Variants in PDSS2 observed in about 807,000 individuals in gnomAD.
PDSS2 encodes the protein all trans-polyprenyl-diphosphate synthase PDSS2.
In PDSS2, 31 loss-of-function variants were observed where a neutral mutation model predicts 44.5. That is an observed-to-expected ratio of 0.70 (90% CI 0.52 to 0.94). The LOEUF (loss-of-function observed/expected upper bound fraction) is 0.94. Ranked by LOEUF, PDSS2 falls within the 40% of genes least tolerant of loss-of-function variation. PDSS2 has a pLI of 0.00. For missense variants in PDSS2, 452 were observed against 482.2 expected (o/e 0.94, Z 0.59); for synonymous variants, 157 against 180.3 (o/e 0.87, Z 1.03).
chr6:107,214,141 T>A (rs1773327310), intron 4 of PDSS2, among the ~76,000 whole-genome samples: 1 of 151,524 alleles, frequency 6.6e-6, no homozygotes, highest in Non-Finnish European at 1.5e-5. Flanking sequence ...TCTCTCTGTG[T>A]CACCCAGGCT....
Position 107,163,410 on chromosome 6 carries a change from T to C in PDSS2, c.1042-8633A>G, listed in dbSNP as rs532262181. 3.8e-4 allele frequency among the ~76,000 whole-genome samples: 58 copies of C among 152,272 alleles called. No individual in the cohort carries two copies. In the South Asian group the frequency reaches 0.011, roughly 30 times the overall value. On this transcript the variant is annotated intron_variant, in intron 7 of 7. Transcript: ENST00000369037. ...TCATGTGTAAAATGCCCACCAGTAA[T>C]GACTTATCAGTAATATAATCCTTCA...
chr6:107,361,172 A>T (rs1778761742), intron 1 of PDSS2, among the ~76,000 whole-genome samples: 1 of 152,234 alleles, frequency 6.6e-6, no homozygotes, highest in South Asian at 2.1e-4. Context: ...TTTAAAAAGT[A>T]AACATACCAA....
At chr6:107,448,528 C>A (rs1006546208) in intron 1 of PDSS2, among the ~76,000 whole-genome samples, 3 of 152,174 alleles carry the variant, frequency 2.0e-5, no homozygotes, top group African/African-American at 4.8e-5. Context: ...ACCACCTCAG[C>A]CTGGATTTCA....
At chr6:107,345,448 TAGA>T (rs1286545496) in intron 1 of PDSS2, among the ~76,000 whole-genome samples, 1 of 151,498 alleles carries the variant, frequency 6.6e-6, no homozygotes, top group East Asian at 1.9e-4. Flanking sequence ...GTGCAAAAGT[TAGA>T]AGATTTGTAC....
intron 2 of PDSS2, among the ~76,000 whole-genome samples, chr6:107,283,194 G>A (rs1008105484): frequency 6.6e-6 from 1 of 151,714 alleles, no homozygotes; most frequent in African/African-American, 2.4e-5. Flanking sequence ...GTATGGTGGT[G>A]TGTGCCTGTG....
intron 1 of PDSS2, among the ~76,000 whole-genome samples, chr6:107,405,264 A>G (rs1337502220): frequency 6.6e-6 from 1 of 152,196 alleles, no homozygotes; most frequent in Admixed American, 6.5e-5. Flanking sequence ...CTAGACTGGT[A>G]GTATAAGAAA....
chr6:107,223,961 C>G (rs892437097), intron 4 of PDSS2, among the ~76,000 whole-genome samples: 2 of 151,332 alleles, frequency 1.3e-5, no homozygotes, highest in Non-Finnish European at 1.5e-5. Flanking sequence ...TGAGCTCCAC[C>G]TCCTGTCAGA....
At chr6:107,178,370 T>C (rs933985303) in intron 7 of PDSS2, among the ~76,000 whole-genome samples, 1 of 152,212 alleles carries the variant, frequency 6.6e-6, no homozygotes, top group Non-Finnish European at 1.5e-5. Flanking sequence ...CTCTTCCAAA[T>C]GTAGGAGGTC....
chr6:107,286,876 T>C (rs1172926111), intron 2 of PDSS2, among the ~76,000 whole-genome samples: 1 of 151,754 alleles, frequency 6.6e-6, no homozygotes, highest in African/African-American at 2.4e-5. Context: ...CCGGTTCTAC[T>C]AAAAATAGAA....
intron 7 of PDSS2, among the ~76,000 whole-genome samples, chr6:107,158,682 A>G (rs1771002509): frequency 6.6e-6 from 1 of 152,144 alleles, no homozygotes; most frequent in Non-Finnish European, 1.5e-5. Context: ...GCCAGATTCA[A>G]ACTCCTATCC....
intron 2 of PDSS2, among the ~76,000 whole-genome samples, chr6:107,309,747 T>C (rs1289192215): frequency 6.6e-6 from 1 of 152,236 alleles, no homozygotes; most frequent in Non-Finnish European, 1.5e-5. Flanking sequence ...TCTAATTATA[T>C]TATTAATGGC....
At chr6:107,278,850 G>A (rs1326980220) in intron 2 of PDSS2, among the ~76,000 whole-genome samples, 1 of 152,148 alleles carries the variant, frequency 6.6e-6, no homozygotes, top group Non-Finnish European at 1.5e-5. Context: ...GGTCTGCAGA[G>A]GTTAAATACT....
chr6:107,254,553 C>T (rs1774941243), intron 3 of PDSS2, among the ~76,000 whole-genome samples: 1 of 152,146 alleles, frequency 6.6e-6, no homozygotes, highest in African/African-American at 2.4e-5. Context: ...TCCACCTTCC[C>T]CCAGTATGGG....
At chr6:107,206,898 C>T (rs1249983824) in intron 6 of PDSS2, among the ~76,000 whole-genome samples, 1 of 152,144 alleles carries the variant, frequency 6.6e-6, no homozygotes, top group Non-Finnish European at 1.5e-5. Context: ...CAAGACCACA[C>T]CACACTCACT....
chr6:107,282,864 G>A (rs1241067630), intron 2 of PDSS2, among the ~76,000 whole-genome samples: 8 of 129,756 alleles, frequency 6.2e-5, no homozygotes, highest in African/African-American at 1.5e-4. Flanking sequence ...ACAAGACTCC[G>A]TCTCAAAAAA....
intron 4 of PDSS2, among the ~76,000 whole-genome samples, chr6:107,223,589 G>C (rs1022646293): frequency 6.6e-6 from 1 of 150,942 alleles, no homozygotes; most frequent in Non-Finnish European, 1.5e-5. Context: ...GTACATGCTT[G>C]TGGTTCCAGC....
intron 7 of PDSS2, among the ~76,000 whole-genome samples, chr6:107,156,425 A>T (rs1230766845): frequency 1.3e-5 from 2 of 151,394 alleles, no homozygotes; most frequent in Non-Finnish European, 2.9e-5. Flanking sequence ...CCATCTCCTG[A>T]CCTTGTGATC....
chr6:107,436,808 G>A (rs974037854), intron 1 of PDSS2, among the ~76,000 whole-genome samples: 3 of 152,098 alleles, frequency 2.0e-5, no homozygotes, highest in Admixed American at 2.0e-4. Flanking sequence ...TACATTATAT[G>A]TATCAAAACA....
intron 1 of PDSS2, among the ~76,000 whole-genome samples, chr6:107,435,427 GAAT>G (rs1781321288): frequency 6.6e-6 from 1 of 151,786 alleles, no homozygotes; most frequent in Non-Finnish European, 1.5e-5. Context: ...GGTCACTACA[GAAT>G]AAAAAGTATG....
Sources: gnomAD v4.1 joint callset for allele counts (sites outside exome capture counted in the v4.1 genomes callset) on GRCh38, gnomAD v4.1.1 for gene constraint, MANE v1.5 for transcripts, NCBI Gene and HGNC (gene_info 2026-07-23, HGNC 2026-07-21) for gene names.